The following KCNT2 variants were observed in gnomAD, a reference collection of about 807,000 sequenced individuals.
KCNT2 encodes potassium sodium-activated channel subfamily T member 2.
A neutral mutation model predicts 153.8 loss-of-function variants in KCNT2; 67 were observed. That is an observed-to-expected ratio of 0.44 (90% CI 0.36 to 0.53). The LOEUF is 0.53. Among genes scored for constraint, KCNT2 ranks in the 20% least tolerant of loss-of-function variants. The pLI is 0.00. For missense variants in KCNT2, 975 were observed against 1,354.8 expected, an observed-to-expected ratio of 0.72 and a Z score of 4.40; for synonymous variants, 500 against 458.8, an observed-to-expected ratio of 1.09 and a Z score of -1.15.
chr1:196,466,793 T>C (rs1462571680), intron 7 of KCNT2, among the ~76,000 whole-genome samples: 2 of 152,028 alleles, frequency 1.3e-5, no homozygotes, highest in Admixed American at 1.3e-4. Context: ...ATTTGTGGTA[T>C]GAATGACTCA....
At chr1:196,545,014 C>T (rs2148882510) in intron 1 of KCNT2, among the ~76,000 whole-genome samples, 1 of 152,120 alleles carries the variant, frequency 6.6e-6, no homozygotes, top group Middle Eastern at 3.4e-3. Flanking sequence ...GGGGAAAAAA[C>T]ATTAATCCTC....
intron 1 of KCNT2, among the ~76,000 whole-genome samples, chr1:196,581,548 A>G (rs1187908619): frequency 6.6e-6 from 1 of 152,036 alleles, no homozygotes; most frequent in Non-Finnish European, 1.5e-5. Flanking sequence ...AAATTTCAAT[A>G]TAATGAAGTT....
Position 196,227,397 on chromosome 1 carries a change from C to T in KCNT2, c.*827G>A, listed in dbSNP as rs1653568944. The T allele has an allele frequency of 1.3e-5, 2 of 151,878 alleles. No individual in the cohort carries two copies. Among genetic ancestry groups the T allele is most frequent in the African/African-American group, 4.8e-5 (2 of 41,420 alleles). The allele number at this position is 151,878 out of a possible 1,614,324, so 9.4% of individuals were successfully genotyped here. ...TCATTACTGTATATTTCAAGATATC[C>T]AGTTAATTTTTCAATCCTTGAATTA... On this transcript the variant is annotated 3_prime_UTR_variant, in exon 28 of 28. Transcript: ENST00000294725.
chr1:196,377,461 C>T (rs112816711), intron 13 of KCNT2, among the ~76,000 whole-genome samples: 2 of 151,798 alleles, frequency 1.3e-5, no homozygotes, highest in Non-Finnish European at 2.9e-5. Flanking sequence ...AGAAATACAT[C>T]AATAACAGTA....
rs371553699 is a variant in KCNT2, at chr1:196,568,915, G to T, written c.95+39300C>A. On this transcript the variant is annotated intron_variant, in intron 1 of 27. Coordinates refer to ENST00000294725, the MANE Select transcript of KCNT2 (RefSeq NM_198503.5). The stretch of plus-strand genomic sequence containing the variant: ...GCTGTTGGTTCAAAGAACTCTGTAC[G>T]GTAAAATCTATTGATGTGCTCTCTT... Among the ~76,000 whole-genome samples the T allele has an allele frequency of 1.8e-4, 27 of 152,060 alleles. No individual in the cohort carries two copies. The East Asian group carries it at 4.1e-3, about 23-fold the overall frequency.
chr1:196,275,333 T>C (rs534846796), intron 25 of KCNT2, among the ~76,000 whole-genome samples: 1 of 151,910 alleles, frequency 6.6e-6, no homozygotes, highest in Admixed American at 6.6e-5. Flanking sequence ...TAATTATGAA[T>C]GGGCAGTTCC....
At chr1:196,286,489 A>G (rs1659667102) in intron 22 of KCNT2, among the ~76,000 whole-genome samples, 1 of 152,096 alleles carries the variant, frequency 6.6e-6, no homozygotes. Context: ...TTGTTCTAGT[A>G]GCCCTAACAG....
chr1:196,538,095 T>G (rs1355603666), intron 1 of KCNT2, among the ~76,000 whole-genome samples: 1 of 152,064 alleles, frequency 6.6e-6, no homozygotes, highest in African/African-American at 2.4e-5. Flanking sequence ...GGACTGGGTG[T>G]GTACTTCTCC....
chr1:196,254,149 T>C (rs1440095209), intron 26 of KCNT2, among the ~76,000 whole-genome samples: 2 of 151,474 alleles, frequency 1.3e-5, no homozygotes, highest in African/African-American at 4.8e-5. Context: ...GAATGCTTTA[T>C]TGATTTATCT....
intron 1 of KCNT2, among the ~76,000 whole-genome samples, chr1:196,510,900 T>C (rs569877311): frequency 2.6e-5 from 4 of 152,264 alleles, no homozygotes; most frequent in East Asian, 3.9e-4. Context: ...ATTAATTTCA[T>C]AGTAACTCTA....
chr1:196,465,378 G>A lies in KCNT2; in HGVS notation c.553C>T (p.His185Tyr). Reference sequence around the variant, plus strand: ...GACTGTGTACGCTGAATGGCTCTGTGTAGATCATTCTAAAATAATACAGAA... The same window carrying A: ...GACTGTGTACGCTGAATGGCTCTGTATAGATCATTCTAAAATAATACAGAA... Reference protein sequence around the residue: ...HALENMINDLHRAIQRTQSAM... With the variant: ...HALENMINDLYRAIQRTQSAM... The change falls in exon 8 of 28, where the codon CAC (histidine) becomes TAC (tyrosine). Residue 185 changes from histidine (H) to tyrosine (Y), a missense_variant. By Grantham distance (83) the His-to-Tyr change is moderately conservative. This residue lies in a region of KCNT2 where 140 missense variants were observed against 216.0 expected (regional missense o/e 0.65). Transcript: ENST00000294725. The A allele has an allele frequency of 6.3e-7, 1 of 1,594,790 alleles. No homozygotes were observed. The highest frequency in any genetic ancestry group is 8.6e-7 in the Non-Finnish European group (1 of 1,164,200).
At position 196,582,343 on chromosome 1, in the gene KCNT2, A is replaced by G. The variant is rs149725537; in HGVS notation, c.95+25872T>C. The G allele has an allele frequency of 4.4e-4, 68 of 153,302 alleles. No homozygotes were observed. The East Asian group carries it at 9.5e-3, about 21-fold the overall frequency. The allele number at this position is 153,302 out of a possible 1,614,324, so 9.5% of individuals were successfully genotyped here. A position where few individuals can be genotyped will look rare whatever the true frequency, so the allele number is the denominator to read the frequency against. On this transcript the variant is annotated intron_variant, in intron 1 of 27. Transcript: ENST00000294725. ...CTTGGAAGAATGCTAGTAAAAAGTA[A>G]TGTTATATGCATGTTCTCTTAAGGA...
chr1:196,244,268 C>T (rs1281635134), intron 26 of KCNT2, among the ~76,000 whole-genome samples: 1 of 152,012 alleles, frequency 6.6e-6, no homozygotes, highest in Non-Finnish European at 1.5e-5. Context: ...AGAACATTCC[C>T]AGCTGTGGTG....
chr1:196,325,221 T>C (rs1358353345), intron 19 of KCNT2, among the ~76,000 whole-genome samples: 2 of 152,138 alleles, frequency 1.3e-5, no homozygotes, highest in Non-Finnish European at 2.9e-5. Context: ...GTTTTGTCCT[T>C]AGTCCTATCA....
intron 13 of KCNT2, among the ~76,000 whole-genome samples, chr1:196,377,219 CA>C (rs2148349599): frequency 6.6e-6 from 1 of 151,914 alleles, no homozygotes; most frequent in African/African-American, 2.4e-5. Flanking sequence ...TCTAGAACAT[CA>C]AAAGAATCCT....
At chr1:196,355,554 C>A (rs544795653) in intron 14 of KCNT2, among the ~76,000 whole-genome samples, 2 of 151,692 alleles carry the variant, frequency 1.3e-5, no homozygotes, top group South Asian at 4.2e-4. Context: ...AAAAAAGGTG[C>A]CAAAGTTAGA....
intron 16 of KCNT2, among the ~76,000 whole-genome samples, chr1:196,339,520 C>CAGAGAGAT (rs1665389772): frequency 7.3e-6 from 1 of 137,908 alleles, no homozygotes; most frequent in African/African-American, 2.9e-5. Flanking sequence ...CACACACACA[C>CAGAGAGAT]AGAGAGAGAG....
At chr1:196,349,309 C>T (rs1295481835) in intron 14 of KCNT2, among the ~76,000 whole-genome samples, 5 of 152,086 alleles carry the variant, frequency 3.3e-5, no homozygotes, top group Non-Finnish European at 5.9e-5. Flanking sequence ...ATATTTTAGG[C>T]AGATCCCATT....
chr1:196,367,792 T>C (rs1032801528), intron 14 of KCNT2, among the ~76,000 whole-genome samples: 1 of 152,166 alleles, frequency 6.6e-6, no homozygotes, highest in Admixed American at 6.5e-5. Context: ...GCTTGAGATA[T>C]GTCTGGAAAC....
Sources: allele counts gnomAD v4.1 joint callset (sites outside exome capture counted in the v4.1 genomes callset), GRCh38; gene constraint gnomAD v4.1.1; regional missense constraint gnomAD v4.1.1; transcripts MANE v1.5; gene names NCBI Gene and HGNC (gene_info 2026-07-23, HGNC 2026-07-21).